Variants in NR3C2 observed in about 807,000 individuals in gnomAD.
NR3C2 encodes the protein nuclear receptor subfamily 3 group C member 2.
NR3C2 carries 15 observed loss-of-function variants against 86.4 expected under a neutral mutation model. That is an observed-to-expected ratio of 0.17 (90% CI 0.12 to 0.27). The LOEUF is 0.27. NR3C2 is among the 10% of genes least tolerant of loss of function. The pLI, the probability that NR3C2 is intolerant of heterozygous loss-of-function variation, is 1.00. For missense variants in NR3C2, 960 were observed against 1,195.6 expected, an observed-to-expected ratio of 0.80 and a Z score of 2.91; for synonymous variants, 458 against 450.5, an observed-to-expected ratio of 1.02 and a Z score of -0.21.
At chr4:148,135,967 T>G (rs71622738) in intron 6 of NR3C2, among the ~76,000 whole-genome samples, 23,933 of 83,392 alleles carry the variant, frequency 0.29, 3,384 homozygotes, top group East Asian at 0.51. Flanking sequence ...TGAGGCAGGA[T>G]AATGGCGTGA....
At chr4:148,136,633 T>C (rs554641816) in intron 6 of NR3C2, among the ~76,000 whole-genome samples, 38 of 152,306 alleles carry the variant, frequency 2.5e-4, no homozygotes, top group African/African-American at 8.7e-4. Context: ...TTGACCACTG[T>C]AGTCCAGAAG....
intron 3 of NR3C2, among the ~76,000 whole-genome samples, chr4:148,247,569 G>T (rs1191251422): frequency 6.6e-6 from 1 of 151,330 alleles, no homozygotes; most frequent in Non-Finnish European, 1.5e-5. Flanking sequence ...CACAGTAGAT[G>T]ATTTAAAAAA....
chr4:148,420,489 T>C (rs1043160636), intron 2 of NR3C2, among the ~76,000 whole-genome samples: 1 of 152,222 alleles, frequency 6.6e-6, no homozygotes, highest in East Asian at 1.9e-4. Flanking sequence ...TCCCTCCCTA[T>C]GTTCTCAAAA....
intron 3 of NR3C2, among the ~76,000 whole-genome samples, chr4:148,195,298 T>C (rs1022621660): frequency 2.0e-5 from 3 of 152,188 alleles, no homozygotes; most frequent in African/African-American, 7.2e-5. Flanking sequence ...AATTATACAA[T>C]TGGAAATGTT....
chr4:148,251,110 T>A (rs1056912500), intron 3 of NR3C2, among the ~76,000 whole-genome samples: 10 of 151,976 alleles, frequency 6.6e-5, no homozygotes, highest in African/African-American at 1.9e-4. Flanking sequence ...CCACCACGCC[T>A]AATTTTTTGT....
chr4:148,403,045 T>C (rs944992420), intron 2 of NR3C2, among the ~76,000 whole-genome samples: 9 of 152,056 alleles, frequency 5.9e-5, no homozygotes, highest in Admixed American at 6.5e-5. Flanking sequence ...TATATATACA[T>C]ATACACATTC....
intron 2 of NR3C2, among the ~76,000 whole-genome samples, chr4:148,298,670 C>G (rs1332888577): frequency 6.6e-6 from 1 of 152,214 alleles, no homozygotes; most frequent in Non-Finnish European, 1.5e-5. Flanking sequence ...AACTACTACT[C>G]CTTATTAGTC....
chr4:148,274,534 C>G (rs913957291), intron 2 of NR3C2, among the ~76,000 whole-genome samples: 5 of 152,036 alleles, frequency 3.3e-5, no homozygotes, highest in African/African-American at 1.2e-4. Flanking sequence ...GCAGCTCCCC[C>G]CTCGCTCTTG....
chr4:148,436,790 T>A lies in NR3C2; in HGVS notation c.71A>T (p.Gln24Leu), dbSNP rs1750102410. The A allele has an allele frequency of 6.2e-7, 1 of 1,613,442 alleles. No individual in the cohort carries two copies. ...DMERRWGQVS[Q>L]AVERSSLGPT... ...TCCCAGGGAAGAACGCTCCACAGCC[T>A]GAGAAACTTGACCCCACCGTCTTTC... The change falls in exon 2 of 9, where the codon CAG (glutamine) becomes CTG (leucine). Residue 24 changes from glutamine (Q) to leucine (L), a missense_variant. Around this residue, in one of 4 missense-constraint regions of NR3C2, gnomAD observed 680 missense variants for 719.0 expected, o/e 0.95. Transcript: ENST00000358102.
chr4:148,100,027 C>CT (rs983471349), intron 8 of NR3C2, among the ~76,000 whole-genome samples: 2 of 152,170 alleles, frequency 1.3e-5, no homozygotes, highest in African/African-American at 4.8e-5. Flanking sequence ...AAATTACTTG[C>CT]TTATAAGTCT....
At chr4:148,347,081 G>A (rs971125223) in intron 2 of NR3C2, among the ~76,000 whole-genome samples, 11 of 152,134 alleles carry the variant, frequency 7.2e-5, no homozygotes, top group African/African-American at 2.4e-4. Flanking sequence ...CTGCTGTGAA[G>A]CCACGTAAGA....
At chr4:148,336,972 T>C (rs1419665629) in intron 2 of NR3C2, among the ~76,000 whole-genome samples, 2 of 152,136 alleles carry the variant, frequency 1.3e-5, no homozygotes, top group African/African-American at 4.8e-5. Flanking sequence ...TTTTTACATT[T>C]GTTGTAGAGA....
chr4:148,201,813 C>T (rs965969300), intron 3 of NR3C2, among the ~76,000 whole-genome samples: 10 of 152,220 alleles, frequency 6.6e-5, no homozygotes, highest in African/African-American at 2.4e-4. Context: ...AACTCCCCAT[C>T]AGTGTCCCAC....
At chr4:148,083,484 G>T (rs1423954230) in intron 8 of NR3C2, among the ~76,000 whole-genome samples, 3 of 152,138 alleles carry the variant, frequency 2.0e-5, no homozygotes. Flanking sequence ...CAAAGGAAGG[G>T]CATCAACATC....
In NR3C2 at chr4:148,173,678, G is replaced by T. The variant is rs1194447998; in HGVS notation, c.2015-18777C>A. 2.0e-5 allele frequency among the ~76,000 whole-genome samples: 3 copies of T among 152,224 alleles called. No individual in the cohort carries two copies. The East Asian group carries it at 5.8e-4, about 29-fold the overall frequency. ...AAGCCAATAAGCTTATGGTAAATTT[G>T]TTACAGCAGCAATAGTAAACTAATT... On this transcript the variant is annotated intron_variant, in intron 4 of 8. Coordinates refer to ENST00000358102, the MANE Select transcript of NR3C2 (RefSeq NM_000901.5).
intron 4 of NR3C2, among the ~76,000 whole-genome samples, chr4:148,166,762 T>A (rs1379757773): frequency 1.3e-5 from 2 of 151,634 alleles, no homozygotes. Context: ...TTTCCATTCA[T>A]ACGAGATTGA....
intron 8 of NR3C2, among the ~76,000 whole-genome samples, chr4:148,092,867 T>C (rs1238960603): frequency 6.6e-6 from 1 of 152,198 alleles, no homozygotes; most frequent in Non-Finnish European, 1.5e-5. Context: ...GCCAAAGCTC[T>C]ACCTTTACTT....
intron 2 of NR3C2, among the ~76,000 whole-genome samples, chr4:148,321,659 T>C (rs925504901): frequency 1.3e-5 from 2 of 152,128 alleles, no homozygotes; most frequent in African/African-American, 4.8e-5. Flanking sequence ...TTTTGATCTT[T>C]GTTGGTTTAA....
At chr4:148,239,166 A>C (rs1379953868) in intron 3 of NR3C2, among the ~76,000 whole-genome samples, 1 of 152,220 alleles carries the variant, frequency 6.6e-6, no homozygotes, top group Non-Finnish European at 1.5e-5. Context: ...AAGTGAAGCC[A>C]AGTAAATGTG....
Sources: gnomAD v4.1 joint callset for allele counts (sites outside exome capture counted in the v4.1 genomes callset) on GRCh38, gnomAD v4.1.1 for gene constraint, gnomAD v4.1.1 regional missense constraint, MANE v1.5 for transcripts, NCBI Gene and HGNC (gene_info 2026-07-23, HGNC 2026-07-21) for gene names.